TLR1: variants seen among roughly 807,000 people sequenced by gnomAD.
TLR1 encodes toll like receptor 1, also known as toll-like receptor 1.
Under a neutral mutation model 20.2 loss-of-function variants are expected in TLR1, and 19 were observed. That is an observed-to-expected ratio of 0.94 (90% confidence interval 0.66 to 1.38). The LOEUF (loss-of-function observed/expected upper bound fraction) is 1.38. Among genes scored for constraint, TLR1 ranks in the 40% most tolerant of loss-of-function variants. TLR1 has a pLI of 0.00. For missense variants in TLR1, 921 were observed against 910.0 expected (o/e 1.01, Z -0.16); for synonymous variants, 320 against 334.5 (o/e 0.96, Z 0.47).
chr4:38,797,542 CAT>C lies in TLR1; in HGVS notation c.1288_1289del (p.Met430ValfsTer7), dbSNP rs772364150. On this transcript the variant is annotated frameshift_variant, in exon 4 of 4. Coordinates refer to ENST00000308979, the MANE Select transcript of TLR1 (RefSeq NM_003263.4). LOFTEE classifies it high-confidence loss of function. ...SWTKSLLSLNMSSNILTDTIF... is the reference protein window; with the variant it reads ...SWTKSLLSLNXSSNILTDTIF... ...TAGTGTCAGTAAGTATATTTGAAGACATATTTAAACTTAATAAACTTTTAGTC... is the reference window on the plus strand; with the variant it reads ...TAGTGTCAGTAAGTATATTTGAAGACATTTAAACTTAATAAACTTTTAGTC... The C allele has an allele frequency of 2.5e-6, 4 of 1,613,734 alleles. No homozygotes were observed. In the South Asian group the frequency reaches 4.4e-5, roughly 18 times the overall value.
In TLR1 at chr4:38,797,520, T is replaced by A; in HGVS notation, c.1312A>T (p.Thr438Ser). 1 of 1,614,142 alleles carries A rather than the reference T, an allele frequency of 6.2e-7. No homozygotes were observed. The highest frequency in any genetic ancestry group is 8.5e-7 in the Non-Finnish European group (1 of 1,180,032). The change falls in exon 4 of 4, where the codon ACT becomes TCT. Residue 438 changes from threonine (T) to serine (S), a missense_variant. Transcript: ENST00000308979. ...CTGGGAGGTAAACATCTGAAAATAG[T>A]GTCAGTAAGTATATTTGAAGACATA... ...LNMSSNILTD[T>S]IFRCLPPRIK...
Position 38,796,893 on chromosome 4 carries a change from C to T in TLR1, c.1939G>A (p.Asp647Asn), listed in dbSNP as rs751096819. 6.2e-6 allele frequency: 10 copies of T among 1,614,110 alleles called. No homozygotes were observed. The highest frequency in any genetic ancestry group is 5.1e-6 in the Non-Finnish European group (6 of 1,180,058). ...FHAFISYSGH[D>N]SFWVKNELLP... The stretch of plus-strand genomic sequence containing the variant: ...AATTCATTCTTCACCCAGAAAGAAT[C>T]GTGCCCACTATATGAAATAAATGCA... Residue 647 changes from aspartate (D) to asparagine (N), a missense_variant, in exon 4 of 4, where the codon GAT becomes AAT. Physicochemically the swap from Asp to Asn is conservative, Grantham distance 23. Coordinates refer to ENST00000308979, the MANE Select transcript of TLR1 (RefSeq NM_003263.4).
At chr4:38,804,454 C>G (rs994518102) in intron 1 of TLR1, 72 bp from the exon 2 acceptor site, 1 of 152,200 alleles carries the variant, frequency 6.6e-6, no homozygotes, top group Non-Finnish European at 1.5e-5. Flanking sequence ...AGCAGCTGCT[C>G]TGGAAGAAAA....
At chr4:38,804,586 A>C (rs4072548) in intron 1 of TLR1, among the ~76,000 whole-genome samples, 168 bp downstream of exon 1, 13,784 of 152,278 alleles carry the variant, frequency 0.091, 1,526 homozygotes, top group African/African-American at 0.22. Flanking sequence ...TAGGACTCAG[A>C]ACTGATACAC....
rs1490051823 is a variant in TLR1, at chr4:38,798,220, A to G, written c.612T>C (p.Phe204=). The part of the protein sequence containing the change: ...IVFPTNKEFH[F]ILDVSVKTVA... ...CAGTCTTGACTGACACATCCAAAATAAAATGGAATTCTTTGTTTGTGGGGA... is the reference window on the plus strand; with the variant it reads ...CAGTCTTGACTGACACATCCAAAATGAAATGGAATTCTTTGTTTGTGGGGA... Residue 204 remains phenylalanine (F), a synonymous_variant, in exon 4 of 4, where the codon TTT becomes TTC. Transcript: ENST00000308979. The G allele has an allele frequency of 1.2e-6, 2 of 1,613,784 alleles. No homozygotes were observed. Among genetic ancestry groups the G allele is most frequent in the Non-Finnish European group, 1.7e-6 (2 of 1,179,834 alleles).
In TLR1 at chr4:38,797,812, G is replaced by A; in HGVS notation, c.1020C>T (p.His340=). ...GGCTAATTTTGGATGGGCAAAGCAT[G>A]TGGACCATGCGTGTACCAGACACTG... ...NFTVSGTRMV[H]MLCPSKISPF... Residue 340 remains histidine, a synonymous_variant, in exon 4 of 4, where the codon CAC becomes CAT. Coordinates refer to ENST00000308979, the MANE Select transcript of TLR1 (RefSeq NM_003263.4). The A allele has an allele frequency of 6.2e-7, 1 of 1,614,186 alleles. No homozygotes were observed. The highest frequency in any genetic ancestry group is 8.5e-7 in the Non-Finnish European group (1 of 1,180,000).
intron 2 of TLR1, among the ~76,000 whole-genome samples, chr4:38,803,931 G>A (rs1326547433): frequency 6.6e-6 from 1 of 152,106 alleles, no homozygotes; most frequent in African/African-American, 2.4e-5. Flanking sequence ...GACTTTGGAG[G>A]CATCAAATCA....
intron 3 of TLR1, among the ~76,000 whole-genome samples, chr4:38,799,964 C>T (rs939470157): frequency 6.6e-6 from 1 of 152,066 alleles, no homozygotes; most frequent in Admixed American, 6.6e-5. Context: ...AAATGAATGA[C>T]TAAACTCAAG....
Position 38,797,023 on chromosome 4 carries a change from G to C in TLR1, c.1809C>G (p.Tyr603Ter). The change falls in exon 4 of 4, where the codon TAC (tyrosine) becomes TAG (stop). Residue 603 changes from tyrosine to a stop codon, truncating the protein, a stop_gained. Transcript: ENST00000308979. LOFTEE classifies it high-confidence loss of function. ...TCCTGAGATACCAGGGCAGATCCAA[G>C]TAGCTGCAGAGGGAGGTCACAGTCA... ...LAVTVTSLCS[Y>*]LDLPWYLRMV... The C allele has an allele frequency of 6.2e-7, 1 of 1,614,226 alleles. No homozygotes were observed. Among genetic ancestry groups the C allele is most frequent in the Non-Finnish European group, 8.5e-7 (1 of 1,180,044 alleles).
intron 2 of TLR1, among the ~76,000 whole-genome samples, chr4:38,803,015 C>T (rs934599907): frequency 2.6e-5 from 4 of 152,178 alleles, no homozygotes; most frequent in Non-Finnish European, 5.9e-5. Context: ...CAGGACACAG[C>T]TCGGCTTGCT....
chr4:38,796,617 T>G lies in TLR1; in HGVS notation c.2215A>C (p.Ile739Leu), dbSNP rs995657631. 6.2e-7 allele frequency: 1 copy of G among 1,614,186 alleles called. No homozygotes were observed. Among genetic ancestry groups the G allele is most frequent in the East Asian group, 2.2e-5 (1 of 44,880 alleles). Reference sequence around the variant, plus strand: ...TTGAGCTTGTGATAACTGCTAGGAATGGAGTACTGCGGAATGGGTTCCAGC... The same window carrying G: ...TTGAGCTTGTGATAACTGCTAGGAAGGGAGTACTGCGGAATGGGTTCCAGC... ...ILLEPIPQYS[I>L]PSSYHKLKSL... The change falls in exon 4 of 4, where the codon ATT (isoleucine) becomes CTT (leucine). Residue 739 changes from isoleucine to leucine, a missense_variant. By Grantham distance (5) the Ile-to-Leu change is conservative. Transcript: ENST00000308979.
At chr4:38,794,049 C>T (rs1435925395), downstream of TLR1, among the ~76,000 whole-genome samples, 1 of 152,138 alleles carries the variant, frequency 6.6e-6, no homozygotes, top group African/African-American at 2.4e-5. Flanking sequence ...CCAACCCTGC[C>T]AACACCTTGA....
At position 38,798,402 on chromosome 4, in the gene TLR1, G is replaced by A. The variant is rs1370123090; in HGVS notation, c.430C>T (p.Leu144=). ...EFGNMSQLKF[L]GLSTTHLEKS... is the part of the protein sequence containing the mutation. ...TCTAAGTGTGTGGTGCTCAACCCCA[G>A]AAATTTTAGTTGAGACATATTGCCA... Residue 144 remains leucine (L), a synonymous_variant, in exon 4 of 4, where the codon CTG becomes TTG. Transcript: ENST00000308979. The A allele has an allele frequency of 1.9e-6, 3 of 1,613,536 alleles. No individual in the cohort carries two copies. The highest frequency in any genetic ancestry group is 2.5e-6 in the Non-Finnish European group (3 of 1,179,754).
chr4:38,796,164 T>C (rs1726036473), downstream of TLR1: 2 of 333,588 alleles, frequency 6.0e-6, no homozygotes, highest in African/African-American at 2.1e-5. Flanking sequence ...CATGATACAC[T>C]AGAACACACA....
At position 38,799,866 on chromosome 4, in the gene TLR1, G is replaced by A. The variant is rs767333438; in HGVS notation, c.-67-968C>T. Among the ~76,000 whole-genome samples the A allele has an allele frequency of 4.3e-4, 66 of 152,192 alleles. 1 individual carries two copies. Among genetic ancestry groups the A allele is most frequent in the Middle Eastern group, 6.8e-3 (2 of 294 alleles). Reference sequence around the variant, plus strand: ...ACCAGTATTTATTGATCACCTACTGGCCATGTTTTAAGAACTGGAGATAGA... The same window carrying A: ...ACCAGTATTTATTGATCACCTACTGACCATGTTTTAAGAACTGGAGATAGA... On this transcript the variant is annotated intron_variant, in intron 3 of 3. Transcript: ENST00000308979.
Position 38,797,507 on chromosome 4 carries a change from C to T in TLR1, c.1325G>A (p.Cys442Tyr). The T allele has an allele frequency of 6.2e-7, 1 of 1,614,122 alleles. No individual in the cohort carries two copies. The highest frequency in any genetic ancestry group is 8.5e-7 in the Non-Finnish European group (1 of 1,180,040). Residue 442 changes from cysteine (C) to tyrosine (Y), a missense_variant, in exon 4 of 4, where the codon TGT (cysteine) becomes TAT (tyrosine). Transcript: ENST00000308979. Reference protein sequence around the residue: ...SNILTDTIFRCLPPRIKVLDL... With the variant: ...SNILTDTIFRYLPPRIKVLDL... ...AAGTACCTTGATCCTGGGAGGTAAACATCTGAAAATAGTGTCAGTAAGTAT... is the reference window on the plus strand; with the variant it reads ...AAGTACCTTGATCCTGGGAGGTAAATATCTGAAAATAGTGTCAGTAAGTAT...
At position 38,796,298 on chromosome 4, in the gene TLR1, A is replaced by T; in HGVS notation, c.*173T>A. 1.5e-6 allele frequency: 1 copy of T among 672,864 alleles called. No homozygotes were observed. The highest frequency in any genetic ancestry group is 2.4e-6 in the Non-Finnish European group (1 of 410,160). The allele number at this position is 672,864 out of a possible 1,614,324, so 41.7% of individuals were successfully genotyped here. On this transcript the variant is annotated 3_prime_UTR_variant, in exon 4 of 4. Transcript: ENST00000308979. ...TAAATCAAAGTTATATCATTTCATT[A>T]ATTTTTAATACCACATATAAATGGT...
At chr4:38,793,070 T>C (rs189375849), downstream of TLR1, among the ~76,000 whole-genome samples, 48 of 151,978 alleles carry the variant, frequency 3.2e-4, no homozygotes, top group African/African-American at 1.1e-3. Context: ...ATAAAGGGGA[T>C]TGGAGAGACT....
At chr4:38,803,565 A>T (rs1219321002) in intron 2 of TLR1, among the ~76,000 whole-genome samples, 1 of 152,104 alleles carries the variant, frequency 6.6e-6, no homozygotes, top group Admixed American at 6.5e-5. Flanking sequence ...AACCATTCTT[A>T]TTTCTATAAT....
Sources: gnomAD v4.1 joint callset for allele counts (sites outside exome capture counted in the v4.1 genomes callset) on GRCh38, gnomAD v4.1.1 for gene constraint, MANE v1.5 for transcripts, NCBI Gene and HGNC (gene_info 2026-07-23, HGNC 2026-07-21) for gene names.